Variants in FAM107B observed in about 807,000 individuals in gnomAD.
The protein encoded by FAM107B is family with sequence similarity 107 member B.
A neutral mutation model predicts 31.5 loss-of-function variants in FAM107B; 21 were observed. The ratio of observed to expected loss-of-function variants is 0.67; its 90% CI spans 0.47 to 0.96. The LOEUF is 0.96. FAM107B is among the 40% of genes least tolerant of loss of function. The pLI, the probability that FAM107B is intolerant of heterozygous loss-of-function variation, is 0.00. For missense variants in FAM107B, 452 were observed against 377.1 expected (o/e 1.20, Z -1.64); for synonymous variants, 157 against 141.5 (o/e 1.11, Z -0.78).
chr10:14,715,421 T>A (rs1047976805), intron 1 of FAM107B, among the ~76,000 whole-genome samples: 1 of 152,234 alleles, frequency 6.6e-6, no homozygotes, highest in East Asian at 1.9e-4. Context: ...TTAGATCAAC[T>A]TAAGAGTTTG....
At chr10:14,715,274 A>G (rs1458584054) in intron 1 of FAM107B, among the ~76,000 whole-genome samples, 1 of 152,216 alleles carries the variant, frequency 6.6e-6, no homozygotes, top group Non-Finnish European at 1.5e-5. Flanking sequence ...ATCAGAGCTC[A>G]AGAAAGAAAC....
chr10:14,735,038 ATGTC>A (rs1856267140), intron 1 of FAM107B, among the ~76,000 whole-genome samples: 2 of 152,312 alleles, frequency 1.3e-5, no homozygotes, highest in Non-Finnish European at 1.5e-5. Flanking sequence ...GTCCAGCAAG[ATGTC>A]ATCCACCTGC....
intron 2 of FAM107B, among the ~76,000 whole-genome samples, chr10:14,582,683 CAT>C (rs1033587532): frequency 3.2e-4 from 48 of 152,174 alleles, no homozygotes; most frequent in East Asian, 2.9e-3. Flanking sequence ...AGCCTACCCA[CAT>C]GTTTTAACGT....
chr10:14,666,201 C>T (rs1161033430), intron 2 of FAM107B, among the ~76,000 whole-genome samples: 1 of 152,158 alleles, frequency 6.6e-6, no homozygotes, highest in African/African-American at 2.4e-5. Context: ...TCTCATGCTG[C>T]TATACAGAAC....
chr10:14,697,119 A>G (rs897976456), intron 1 of FAM107B, among the ~76,000 whole-genome samples: 1 of 152,168 alleles, frequency 6.6e-6, no homozygotes, highest in East Asian at 1.9e-4. Context: ...TTGGATGGGG[A>G]GCCAGTTCTG....
intron 1 of FAM107B, among the ~76,000 whole-genome samples, chr10:14,731,994 C>T (rs1856185335): frequency 6.6e-6 from 1 of 152,192 alleles, no homozygotes; most frequent in East Asian, 1.9e-4. Context: ...TCCTGTGATG[C>T]TACTGTTTCT....
At chr10:14,761,011 CAAAAAAAAAAAAAAAA>C (rs565835423) in intron 1 of FAM107B, among the ~76,000 whole-genome samples, 4 of 77,630 alleles carry the variant, frequency 5.2e-5, no homozygotes, top group Non-Finnish European at 1.1e-4. Context: ...GACTCCGTTT[CAAAAAAAAAAAAAAAA>C]AAAAAAAAAG....
chr10:14,739,616 GATGA>G (rs111924452), intron 1 of FAM107B, among the ~76,000 whole-genome samples: 11 of 151,920 alleles, frequency 7.2e-5, no homozygotes, highest in Non-Finnish European at 1.0e-4. Context: ...AAGTGTTCAT[GATGA>G]ATGAATGAAT....
At position 14,710,566 on chromosome 10, in the gene FAM107B, T is replaced by C. The variant is rs573504733; in HGVS notation, c.412-42875A>G. Among the ~76,000 whole-genome samples the C allele has an allele frequency of 3.9e-5, 6 of 152,168 alleles. No individual in the cohort carries two copies. The South Asian group carries it at 1.2e-3, about 32-fold the overall frequency. ...TGCATAATGACATTTTGGTCAATAA[T>C]GGATGCCATTCACAACAGTGGTCCC... On this transcript the variant is annotated intron_variant, in intron 1 of 4. Transcript: ENST00000181796.
At chr10:14,675,837 T>C (rs545791615) in intron 1 of FAM107B, among the ~76,000 whole-genome samples, 1 of 152,296 alleles carries the variant, frequency 6.6e-6, no homozygotes, top group South Asian at 2.1e-4. Flanking sequence ...AGCAAGTTAA[T>C]GTGTTAAAGT....
intron 1 of FAM107B, among the ~76,000 whole-genome samples, chr10:14,690,274 G>T (rs74122919): frequency 0.26 from 39,408 of 152,036 alleles, 5,963 homozygotes; most frequent in Admixed American, 0.34. Context: ...GGTCACTGAA[G>T]ATCAAGGCTC....
At chr10:14,617,754 CAAA>C (rs35039591) in intron 2 of FAM107B, among the ~76,000 whole-genome samples, 21 of 68,794 alleles carry the variant, frequency 3.1e-4, no homozygotes, top group East Asian at 3.6e-4. Flanking sequence ...AGGTAGACGC[CAAA>C]AAAAAAAAAA....
At chr10:14,769,222 A>C (rs1417920798) in intron 1 of FAM107B, among the ~76,000 whole-genome samples, 2 of 152,172 alleles carry the variant, frequency 1.3e-5, no homozygotes, top group Non-Finnish European at 2.9e-5. Context: ...ACGCTCAGTA[A>C]CCACCAGAGC....
intron 2 of FAM107B, among the ~76,000 whole-genome samples, chr10:14,588,224 T>C (rs1371810630): frequency 6.6e-6 from 1 of 150,764 alleles, no homozygotes; most frequent in Non-Finnish European, 1.5e-5. Context: ...AGCTGTTCTG[T>C]TTCCAGCACA....
intron 2 of FAM107B, among the ~76,000 whole-genome samples, chr10:14,659,479 A>G (rs561766379): frequency 2.1e-5 from 3 of 145,126 alleles, no homozygotes; most frequent in African/African-American, 7.5e-5. Context: ...CAAACAAAAA[A>G]CTGTCTGCCC....
At chr10:14,749,396 C>T (rs905159963) in intron 1 of FAM107B, among the ~76,000 whole-genome samples, 2 of 152,168 alleles carry the variant, frequency 1.3e-5, no homozygotes, top group African/African-American at 4.8e-5. Context: ...CCTCCTTCCC[C>T]TTCCCCCTCT....
chr10:14,731,878 T>C (rs1275439851), intron 1 of FAM107B, among the ~76,000 whole-genome samples: 1 of 152,212 alleles, frequency 6.6e-6, no homozygotes, highest in Admixed American at 6.5e-5. Context: ...GAGTACACTC[T>C]TTGATGTTCA....
At chr10:14,546,807 T>C (rs1848736147) in intron 2 of FAM107B, among the ~76,000 whole-genome samples, 1 of 152,208 alleles carries the variant, frequency 6.6e-6, no homozygotes, top group Non-Finnish European at 1.5e-5. Flanking sequence ...ACCAGTCTAA[T>C]TGACAACCTG....
At chr10:14,614,085 C>T (rs902229577) in intron 2 of FAM107B, among the ~76,000 whole-genome samples, 21 of 152,074 alleles carry the variant, frequency 1.4e-4, no homozygotes, top group African/African-American at 4.3e-4. Context: ...GAGCCAAGAT[C>T]GCGCCACTGC....
Sources: gnomAD v4.1 joint callset for allele counts (sites outside exome capture counted in the v4.1 genomes callset) on GRCh38, gnomAD v4.1.1 for gene constraint, MANE v1.5 for transcripts, NCBI Gene and HGNC (gene_info 2026-07-23, HGNC 2026-07-21) for gene names.